The following MEI4 variants were observed in gnomAD, a reference collection of about 807,000 sequenced individuals.
MEI4 encodes the protein meiotic double-stranded break formation protein 4.
Under a neutral mutation model 31.4 loss-of-function variants are expected in MEI4, and 27 were observed. That is an observed-to-expected ratio of 0.86 (90% CI 0.63 to 1.19). The LOEUF (loss-of-function observed/expected upper bound fraction) is 1.19. Ranked by LOEUF, MEI4 falls within the 50% of genes most tolerant of loss-of-function variation. MEI4 has a pLI of 0.00. For missense variants in MEI4, 329 were observed against 398.9 expected, an observed-to-expected ratio of 0.82 and a Z score of 1.49; for synonymous variants, 122 against 145.4, an observed-to-expected ratio of 0.84 and a Z score of 1.16.
intron 4 of MEI4, among the ~76,000 whole-genome samples, chr6:77,920,515 T>C (rs1766678865): frequency 6.6e-6 from 1 of 151,904 alleles, no homozygotes; most frequent in Admixed American, 6.6e-5. Flanking sequence ...CAATAATTCT[T>C]CCAAACTCCT....
rs555456562 is a variant in MEI4, at chr6:77,747,166, A to G, written c.233-13964A>G. Among the ~76,000 whole-genome samples, 67 of 152,002 alleles carry G rather than the reference A, an allele frequency of 4.4e-4. No homozygotes were observed. The South Asian group carries it at 0.014, about 32-fold the overall frequency. Reference sequence around the variant, plus strand: ...ATCTCTACTAAAAATGCAAAAATTAACTGGGCATGGTGGCACACACCTGTA... The same window carrying G: ...ATCTCTACTAAAAATGCAAAAATTAGCTGGGCATGGTGGCACACACCTGTA... On this transcript the variant is annotated intron_variant, in intron 2 of 4. Transcript: ENST00000684080.
At chr6:77,873,913 G>A (rs1427999378) in intron 4 of MEI4, among the ~76,000 whole-genome samples, 1 of 152,180 alleles carries the variant, frequency 6.6e-6, no homozygotes, top group East Asian at 1.9e-4. Flanking sequence ...TCAGATAGTT[G>A]TAGATATGCG....
intron 3 of MEI4, among the ~76,000 whole-genome samples, chr6:77,766,626 A>G (rs560180063): frequency 1.0e-3 from 155 of 152,102 alleles, no homozygotes; most frequent in Middle Eastern, 3.4e-3. Context: ...GTTAGCCAGG[A>G]TGATCTCGAT....
chr6:77,778,659 C>T (rs546014797), intron 3 of MEI4, among the ~76,000 whole-genome samples: 1 of 152,100 alleles, frequency 6.6e-6, no homozygotes, highest in South Asian at 2.1e-4. Flanking sequence ...ATGATTGCAA[C>T]ACTGCACTCC....
intron 3 of MEI4, among the ~76,000 whole-genome samples, chr6:77,824,645 C>T (rs962472363): frequency 3.1e-5 from 1 of 31,796 alleles, no homozygotes; most frequent in Non-Finnish European, 5.5e-5. Flanking sequence ...ATATATTAGA[C>T]ATTCAAGTTA....
At position 77,924,667 on chromosome 6, in the gene MEI4, A is replaced by C. The variant is rs192048444; in HGVS notation, c.*1321A>C. ...TCTTCCACATGTGCATATTCTGAGA[A>C]CCAGACTTGGGGGATAGTAGCTTCT... On this transcript the variant is annotated 3_prime_UTR_variant, in exon 5 of 5. Transcript: ENST00000684080. 2 of 151,732 alleles carry C rather than the reference A, an allele frequency of 1.3e-5. No homozygotes were observed. The highest frequency in any genetic ancestry group is 4.8e-5 in the African/African-American group (2 of 41,368). The allele number at this position is 151,732 out of a possible 1,614,324, so 9.4% of individuals were successfully genotyped here. A position where few individuals can be genotyped will look rare whatever the true frequency, so the allele number is the denominator to read the frequency against.
chr6:77,873,548 G>A (rs1387117759), intron 4 of MEI4, among the ~76,000 whole-genome samples: 1 of 152,248 alleles, frequency 6.6e-6, no homozygotes, highest in African/African-American at 2.4e-5. Context: ...CTCCCATTCT[G>A]TAGGCTGCCT....
At chr6:77,825,616 T>A (rs770766135) in intron 3 of MEI4, among the ~76,000 whole-genome samples, 10 of 152,216 alleles carry the variant, frequency 6.6e-5, no homozygotes, top group Non-Finnish European at 1.3e-4. Flanking sequence ...TCGGGATAAG[T>A]GCTTAGCAGG....
intron 3 of MEI4, among the ~76,000 whole-genome samples, chr6:77,788,950 A>G (rs1768833832): frequency 1.3e-5 from 2 of 152,196 alleles, no homozygotes; most frequent in African/African-American, 4.8e-5. Flanking sequence ...TGCCAAGTAA[A>G]TCCTAAGCCA....
Position 77,847,002 on chromosome 6 carries a change from CTG to C in MEI4, c.900+17941_900+17942del, listed in dbSNP as rs1770504490. Among the ~76,000 whole-genome samples, 1 of 152,092 alleles carries C rather than the reference CTG, an allele frequency of 6.6e-6. No homozygotes were observed. On this transcript the variant is annotated intron_variant, in intron 4 of 4. Coordinates refer to ENST00000684080, the MANE Select transcript of MEI4 (RefSeq NM_001322247.2). The surrounding 1 kb of genome is among the most constrained non-coding windows in gnomAD (Gnocchi z 4.6). ...CGTCATAGATTCTTTCATTGAGAAA[CTG>C]AAGGATTTTGTGTTGGGGAAATAAT...
intron 2 of MEI4, among the ~76,000 whole-genome samples, chr6:77,705,404 CAA>C (rs2127657987): frequency 6.6e-6 from 1 of 152,256 alleles, no homozygotes; most frequent in South Asian, 2.1e-4. Context: ...TAAGACAAAA[CAA>C]ATTTACTCGT....
intron 3 of MEI4, among the ~76,000 whole-genome samples, chr6:77,803,523 G>T (rs533887377): frequency 6.6e-6 from 1 of 152,164 alleles, no homozygotes; most frequent in South Asian, 2.1e-4. Flanking sequence ...GAGGAACTTC[G>T]TTCCTTTGGT....
At position 77,924,948 on chromosome 6, in the gene MEI4, TA is replaced by T. The variant is rs1412266307; in HGVS notation, c.*1603del. The T allele has an allele frequency of 2.0e-5, 3 of 151,884 alleles. No homozygotes were observed. Among genetic ancestry groups the T allele is most frequent in the African/African-American group, 7.2e-5 (3 of 41,406 alleles). 9.4% of individuals were successfully genotyped at this position (151,884 alleles called of 1,614,324 possible). On this transcript the variant is annotated 3_prime_UTR_variant, in exon 5 of 5. Transcript: ENST00000684080. ...AAGTACCAGTTGAATACAAGAAGTATATTCCAAATCTTGGATTAGGAGGGAT... is the reference window on the plus strand; with the variant it reads ...AAGTACCAGTTGAATACAAGAAGTATTTCCAAATCTTGGATTAGGAGGGAT...
At chr6:77,824,877 G>A (rs1485884125) in intron 3 of MEI4, among the ~76,000 whole-genome samples, 2 of 151,972 alleles carry the variant, frequency 1.3e-5, no homozygotes, top group African/African-American at 2.4e-5. Flanking sequence ...TCATTAGTAG[G>A]GCTATACAAA....
chr6:77,789,116 C>A (rs554713339), intron 3 of MEI4, among the ~76,000 whole-genome samples: 1 of 152,334 alleles, frequency 6.6e-6, no homozygotes, highest in Non-Finnish European at 1.5e-5. Context: ...CTACAACTAT[C>A]TGACCTTTGA....
At chr6:77,651,774 C>T (rs1444336687), upstream of MEI4, among the ~76,000 whole-genome samples, 1 of 152,060 alleles carries the variant, frequency 6.6e-6, no homozygotes, top group African/African-American at 2.4e-5. Flanking sequence ...TGGTAATGGA[C>T]CATAAATTCA....
chr6:77,770,287 C>T (rs1768280980), intron 3 of MEI4, among the ~76,000 whole-genome samples: 1 of 151,976 alleles, frequency 6.6e-6, no homozygotes, highest in Non-Finnish European at 1.5e-5. Context: ...AATTTAAAGC[C>T]TGAATAGGCC....
chr6:77,739,912 T>C (rs994395951), intron 2 of MEI4, among the ~76,000 whole-genome samples: 3 of 152,306 alleles, frequency 2.0e-5, no homozygotes, highest in African/African-American at 7.2e-5. Flanking sequence ...ATTGAGATCT[T>C]TCTAACTTTC....
intron 2 of MEI4, among the ~76,000 whole-genome samples, chr6:77,710,890 C>T (rs953403735): frequency 6.6e-6 from 1 of 152,122 alleles, no homozygotes. Context: ...ATAGTCAACC[C>T]AAATGCCCTC....
Sources: gnomAD v4.1 joint callset for allele counts (sites outside exome capture counted in the v4.1 genomes callset) on GRCh38, gnomAD v4.1.1 for gene constraint, Gnocchi (gnomAD v3.1) non-coding constraint, MANE v1.5 for transcripts, NCBI Gene and HGNC (gene_info 2026-07-23, HGNC 2026-07-21) for gene names.